Variants in GSAP observed in about 807,000 individuals in gnomAD.
GSAP encodes the protein gamma-secretase activating protein, also known as gamma-secretase-activating protein.
A neutral mutation model predicts 131.7 loss-of-function variants in GSAP; 118 were observed. That is an observed-to-expected ratio of 0.90 (90% confidence interval 0.77 to 1.04). The LOEUF is 1.04. GSAP is among the 50% of genes least tolerant of loss of function. The pLI is 0.00. For missense variants in GSAP, 1,019 were observed against 1,013.2 expected (o/e 1.01, Z -0.08); for synonymous variants, 381 against 363.4 (o/e 1.05, Z -0.55).
intron 20 of GSAP, 42 bp from the exon 21 acceptor site, chr7:77,329,433 T>TA: frequency 8.5e-7 from 1 of 1,175,412 alleles, no homozygotes; most frequent in Non-Finnish European, 1.2e-6. Context: ...GGTAAAGGTT[T>TA]TATCGGTGAC....
intron 22 of GSAP, chr7:77,327,135 T>C (rs535880192): frequency 7.9e-5 from 12 of 152,328 alleles, no homozygotes; most frequent in South Asian, 4.1e-4. Context: ...ATGTTCTGTT[T>C]CAGGCAGTGA....
At chr7:77,403,449 G>A (rs1329809468) in intron 3 of GSAP, among the ~76,000 whole-genome samples, 2 of 152,210 alleles carry the variant, frequency 1.3e-5, no homozygotes. Context: ...TAAGTTCAAA[G>A]ATGTCTAATA....
intron 5 of GSAP, among the ~76,000 whole-genome samples, chr7:77,389,314 G>GTTTGT (rs1245948495): frequency 1.4e-5 from 2 of 142,292 alleles, no homozygotes; most frequent in South Asian, 2.2e-4. Context: ...TTTTTTGTTT[G>GTTTGT]TTTGTTTTGT....
At chr7:77,332,420 A>T (rs73703335) in intron 19 of GSAP, among the ~76,000 whole-genome samples, 1,782 of 152,314 alleles carry the variant, frequency 0.012, 37 homozygotes, top group African/African-American at 0.04. Context: ...TTGTGGATTT[A>T]TCAAATCAGG....
In GSAP at chr7:77,382,617, A is replaced by C; in HGVS notation, c.483T>G (p.His161Gln). The C allele has an allele frequency of 6.4e-7, 1 of 1,563,040 alleles. No homozygotes were observed. The stretch of plus-strand genomic sequence containing the variant: ...GTAACAGATGGTTCTCTGGAAGAGG[A>C]TGACTTTCAATATGTGGGTAGAGAA... Reference protein sequence around the residue: ...VQFLYPHIESHPLPENHLLLI... With the variant: ...VQFLYPHIESQPLPENHLLLI... The change falls in exon 7 of 31, where the codon CAT becomes CAG. Residue 161 changes from histidine to glutamine, a missense_variant. His to Gln is a conservative substitution (Grantham distance 24). Coordinates refer to ENST00000257626, the MANE Select transcript of GSAP (RefSeq NM_017439.4).
chr7:77,381,263 G>GAA (rs76371639), intron 8 of GSAP, 42 bp downstream of exon 8: 572 of 1,110,816 alleles, frequency 5.1e-4, no homozygotes, highest in East Asian at 2.7e-3. Flanking sequence ...TCTTTGTGGG[G>GAA]AAAAAAAAAC....
intron 6 of GSAP, among the ~76,000 whole-genome samples, chr7:77,384,969 T>C (rs1396962046): frequency 6.6e-6 from 1 of 151,964 alleles, no homozygotes; most frequent in Non-Finnish European, 1.5e-5. Flanking sequence ...GTACAAGTTT[T>C]ACTTTATTTG....
chr7:77,377,816 G>A (rs1797182715), intron 8 of GSAP, among the ~76,000 whole-genome samples: 1 of 152,208 alleles, frequency 6.6e-6, no homozygotes, highest in African/African-American at 2.4e-5. Flanking sequence ...AGGCCTGACA[G>A]TGGAAAGTAG....
At position 77,370,185 on chromosome 7, in the gene GSAP, C is replaced by T. The variant is rs1795909006; in HGVS notation, c.871+3885G>A. On this transcript the variant is annotated intron_variant, in intron 12 of 30. Transcript: ENST00000257626. ...AAAGCAAAGTACCAGGGGCCAGGCG[C>T]GGTGGCTCATGCCTGTAATCCCAGC... Among the ~76,000 whole-genome samples, 3 of 152,118 alleles carry T rather than the reference C, an allele frequency of 2.0e-5. No individual in the cohort carries two copies. In the South Asian group the frequency reaches 6.2e-4, roughly 31 times the overall value.
intron 16 of GSAP, among the ~76,000 whole-genome samples, chr7:77,354,312 G>A (rs116287112): frequency 6.6e-6 from 1 of 152,000 alleles, no homozygotes; most frequent in Non-Finnish European, 1.5e-5. Context: ...TATTACTATC[G>A]ACAAGTAAAA....
Position 77,311,092 on chromosome 7 carries a change from C to A in GSAP, c.*266G>T, listed in dbSNP as rs1409401089. The A allele has an allele frequency of 6.0e-6, 2 of 333,384 alleles. No individual in the cohort carries two copies. The highest frequency in any genetic ancestry group is 4.4e-5 in the Admixed American group (1 of 22,850). 20.7% of individuals were successfully genotyped at this position (333,384 alleles called of 1,614,324 possible). On this transcript the variant is annotated 3_prime_UTR_variant, in exon 31 of 31. Coordinates refer to ENST00000257626, the MANE Select transcript of GSAP (RefSeq NM_017439.4). ...AACTAGCTTGTGGCCTATTAAGCTA[C>A]TAGGAAGAGCATCGTTTATGCCACT...
At chr7:77,328,104 A>G (rs1788570260) in intron 22 of GSAP, 3 of 560,862 alleles carry the variant, frequency 5.3e-6, no homozygotes, top group South Asian at 7.8e-5. Flanking sequence ...ATGCTGGAAT[A>G]TAAGTCCAGC....
chr7:77,339,346 A>C (rs928588108), intron 19 of GSAP, among the ~76,000 whole-genome samples: 11 of 152,210 alleles, frequency 7.2e-5, no homozygotes, highest in African/African-American at 2.7e-4. Context: ...TCTCCTGATT[A>C]GAGTCTCCCA....
chr7:77,411,774 T>TAC (rs1563147980), intron 1 of GSAP, among the ~76,000 whole-genome samples: 1 of 152,028 alleles, frequency 6.6e-6, no homozygotes, highest in African/African-American at 2.4e-5. Flanking sequence ...TTCAAAAATA[T>TAC]ATATATGAAA....
chr7:77,333,116 A>G (rs6969034), intron 19 of GSAP, among the ~76,000 whole-genome samples: 29,420 of 152,108 alleles, frequency 0.19, 3,052 homozygotes, highest in Non-Finnish European at 0.2. Context: ...GCAGTGAGCC[A>G]AGATGGCGCC....
intron 26 of GSAP, chr7:77,314,722 CTT>C (rs950469354): frequency 2.9e-5 from 12 of 412,840 alleles, no homozygotes; most frequent in African/African-American, 2.2e-4. Context: ...CCTTGGGTCT[CTT>C]CCTGCACAGA....
chr7:77,331,431 G>A (rs1436210324), intron 19 of GSAP, among the ~76,000 whole-genome samples: 1 of 152,216 alleles, frequency 6.6e-6, no homozygotes, highest in Non-Finnish European at 1.5e-5. Context: ...TGATTTGACT[G>A]GGGCCAGAGA....
chr7:77,380,463 A>C (rs1563075412), intron 8 of GSAP, among the ~76,000 whole-genome samples: 1 of 152,328 alleles, frequency 6.6e-6, no homozygotes, highest in East Asian at 1.9e-4. Context: ...GTTTAAGATG[A>C]TTTATAATTC....
At chr7:77,386,655 G>T (rs1003565938) in intron 6 of GSAP, among the ~76,000 whole-genome samples, 2 of 152,116 alleles carry the variant, frequency 1.3e-5, no homozygotes, top group African/African-American at 4.8e-5. Flanking sequence ...CGGTGCCTCA[G>T]CGCTATTCCT....
Sources: gnomAD v4.1 joint callset for allele counts (sites outside exome capture counted in the v4.1 genomes callset) on GRCh38, gnomAD v4.1.1 for gene constraint, MANE v1.5 for transcripts, NCBI Gene and HGNC (gene_info 2026-07-23, HGNC 2026-07-21) for gene names.